PDHB: variants seen among roughly 807,000 people sequenced by gnomAD.
The protein encoded by PDHB is pyruvate dehydrogenase E1 component subunit beta, mitochondrial.
Under a neutral mutation model 42.8 loss-of-function variants are expected in PDHB, and 17 were observed. That is an observed-to-expected ratio of 0.40 (90% confidence interval 0.27 to 0.60). The LOEUF (loss-of-function observed/expected upper bound fraction) is 0.60. Among genes scored for constraint, PDHB ranks in the 20% least tolerant of loss-of-function variants. The pLI is 0.46. For missense variants in PDHB, 322 were observed against 451.3 expected (o/e 0.71, Z 2.60); for synonymous variants, 154 against 148.7 (o/e 1.04, Z -0.26).
chr3:58,431,173 TG>T lies in PDHB; in HGVS notation c.304-232del. The T allele has an allele frequency of 1.7e-6, 1 of 575,512 alleles. No individual in the cohort carries two copies. The highest frequency in any genetic ancestry group is 3.1e-6 in the Non-Finnish European group (1 of 324,854). 35.7% of individuals were successfully genotyped at this position (575,512 alleles called of 1,614,324 possible). ...ATCCTTCCTCAGCATCCCGAGTAGC[TG>T]GGACTGCAGGCAAGCACCACCACAT... On this transcript the variant is annotated intron_variant, in intron 5 of 9. Transcript: ENST00000302746. The surrounding 1 kb of genome is among the most constrained non-coding windows in gnomAD (Gnocchi z 4.4).
In PDHB at chr3:58,428,641, C is replaced by T. The variant is rs566760661; in HGVS notation, c.793-27G>A. ...TAAACAGGTAATATAATCAAGTTTA[C>T]AGAGCTATTGCAGCACAAATAGAGC... On this transcript the variant is annotated intron_variant, in intron 8 of 9. Coordinates refer to ENST00000302746, the MANE Select transcript of PDHB (RefSeq NM_000925.4). 8.6e-5 allele frequency: 137 copies of T among 1,599,636 alleles called. 1 individual carries two copies. The highest frequency in any genetic ancestry group is 7.9e-4 in the South Asian group (72 of 90,676).
chr3:58,433,640 A>T lies in PDHB; in HGVS notation c.87T>A (p.Ala29=), dbSNP rs1030195578. ...LKRRFHWTAP[A]ALQVTVRDAI... is the part of the protein sequence containing the mutation. ...CACCCGCGCCTGTTACCTGCAGCGCAGCCGGCGCGGTCCAGTGAAAGCGCC... is the reference window on the plus strand; with the variant it reads ...CACCCGCGCCTGTTACCTGCAGCGCTGCCGGCGCGGTCCAGTGAAAGCGCC... Residue 29 remains alanine (A), a synonymous_variant, in exon 2 of 10, where the codon GCT becomes GCA. Coordinates refer to ENST00000302746, the MANE Select transcript of PDHB (RefSeq NM_000925.4). 6.2e-7 allele frequency: 1 copy of T among 1,611,362 alleles called. No homozygotes were observed. The highest frequency in any genetic ancestry group is 8.5e-7 in the Non-Finnish European group (1 of 1,179,320).
At chr3:58,432,917 T>A (rs1213530381) in intron 2 of PDHB, 4 of 152,282 alleles carry the variant, frequency 2.6e-5, no homozygotes, top group Admixed American at 1.3e-4. Context: ...GAGAATCCCT[T>A]GAGCCCAGGA....
At chr3:58,433,446 G>C in intron 2 of PDHB, 185 bp downstream of exon 2, 1 of 650,110 alleles carries the variant, frequency 1.5e-6, no homozygotes, top group Non-Finnish European at 2.7e-6. Context: ...GTGAGGTGGT[G>C]ACTCGCCGGT....
intron 6 of PDHB, 144 bp downstream of exon 6, chr3:58,430,513 C>A: frequency 2.6e-6 from 2 of 769,958 alleles, no homozygotes. Context: ...CAAGCACATT[C>A]TTTACTATCT....
At position 58,431,669 on chromosome 3, in the gene PDHB, A is replaced by G; in HGVS notation, c.268-41T>C. ...TAAACATAAGTGAAAATCCATAAAA[A>G]TGAGGATAATGGACACTAACAGACA... On this transcript the variant is annotated intron_variant, in intron 4 of 9. Transcript: ENST00000302746. This position sits in a 1 kb window ranked among gnomAD's most constrained non-coding sequence, Gnocchi z 4.4. 1 of 1,600,776 alleles carries G rather than the reference A, an allele frequency of 6.2e-7. No individual in the cohort carries two copies. The highest frequency in any genetic ancestry group is 1.1e-5 in the South Asian group (1 of 90,836).
intron 8 of PDHB, chr3:58,428,896 C>A (rs1015174186): frequency 1.9e-5 from 8 of 417,110 alleles, no homozygotes; most frequent in African/African-American, 1.4e-4. Context: ...CTCTTGTTGT[C>A]CAGGCTGGAG....
chr3:58,429,699 T>C lies in PDHB; in HGVS notation c.792+9A>G, dbSNP rs762944918. The C allele has an allele frequency of 6.5e-7, 1 of 1,541,022 alleles. No homozygotes were observed. The highest frequency in any genetic ancestry group is 9.0e-7 in the Non-Finnish European group (1 of 1,113,270). Reference sequence around the variant, plus strand: ...CTAATTCTTTAAGAACAAGTAAATGTCCACTCACCTCACATTCAACTCCTT... The same window carrying C: ...CTAATTCTTTAAGAACAAGTAAATGCCCACTCACCTCACATTCAACTCCTT... On this transcript the variant is annotated intron_variant, in intron 8 of 9. Transcript: ENST00000302746.
chr3:58,429,851 A>G, intron 7 of PDHB, 52 bp from the exon 8 acceptor site: 10 of 1,050,548 alleles, frequency 9.5e-6, no homozygotes, highest in Non-Finnish European at 1.2e-5. Context: ...TGAAGATGCT[A>G]CACCACTGTG....
rs1371051544 is a variant in PDHB, at chr3:58,433,793, C to A, written c.17G>T (p.Gly6Val). ...CTCCCGAAGGGGTCTCCGCACCAAG[C>A]CAGACACCGCCGCCATCTTGGTCGT... MAAVS[G>V]LVRRPLREVS... Residue 6 changes from glycine to valine, a missense_variant, in exon 1 of 10, where the codon GGC becomes GTC. Gly to Val is a moderately radical substitution (Grantham distance 109). Transcript: ENST00000302746. The A allele has an allele frequency of 1.2e-6, 2 of 1,611,692 alleles. No homozygotes were observed. Among genetic ancestry groups the A allele is most frequent in the Non-Finnish European group, 1.7e-6 (2 of 1,179,496 alleles).
At position 58,430,080 on chromosome 3, in the gene PDHB, T is replaced by C. The variant is rs191022498; in HGVS notation, c.700+48A>G. The stretch of plus-strand genomic sequence containing the variant: ...ACTTCTAGATTAAATTTTACCAAAA[T>C]TGAGGGGCTGGATTAAAAATACTGT... On this transcript the variant is annotated intron_variant, in intron 7 of 9. Coordinates refer to ENST00000302746, the MANE Select transcript of PDHB (RefSeq NM_000925.4). The C allele has an allele frequency of 5.3e-4, 624 of 1,167,604 alleles. 3 individuals are homozygous for C. The highest frequency in any genetic ancestry group is 1.4e-4 in the South Asian group (11 of 80,266). The allele number at this position is 1,167,604 out of a possible 1,614,324, so 72.3% of individuals were successfully genotyped here.
At position 58,431,530 on chromosome 3, in the gene PDHB, CA is replaced by C. The variant is rs1486512572; in HGVS notation, c.303+62del. On this transcript the variant is annotated intron_variant, in intron 5 of 9. Transcript: ENST00000302746. The surrounding 1 kb of genome is among the most constrained non-coding windows in gnomAD (Gnocchi z 4.4). ...TGGACAACAGAGTGAGACTCTGTCT[CA>C]AAAGAAAAAAAAAGAAAACAAGAAA... The C allele has an allele frequency of 2.2e-6, 3 of 1,364,398 alleles. No homozygotes were observed. Among genetic ancestry groups the C allele is most frequent in the Non-Finnish European group, 1.0e-6 (1 of 957,340 alleles). 84.5% of individuals were successfully genotyped at this position (1,364,398 alleles called of 1,614,324 possible). A position where few individuals can be genotyped will look rare whatever the true frequency, so the allele number is the denominator to read the frequency against.
chr3:58,431,069 G>C lies in PDHB; in HGVS notation c.304-127C>G. On this transcript the variant is annotated intron_variant, in intron 5 of 9. Transcript: ENST00000302746. The surrounding 1 kb of genome is among the most constrained non-coding windows in gnomAD (Gnocchi z 4.4). Reference sequence around the variant, plus strand: ...TTTTTATTTTTATTTTTTATGGACAGGGTCTCACTGTCACCCATGCTGGAG... The same window carrying C: ...TTTTTATTTTTATTTTTTATGGACACGGTCTCACTGTCACCCATGCTGGAG... The C allele has an allele frequency of 1.0e-6, 1 of 958,346 alleles. No individual in the cohort carries two copies. Among genetic ancestry groups the C allele is most frequent in the Non-Finnish European group, 1.6e-6 (1 of 617,094 alleles). The allele number at this position is 958,346 out of a possible 1,614,324, so 59.4% of individuals were successfully genotyped here. A position where few individuals can be genotyped will look rare whatever the true frequency, so the allele number is the denominator to read the frequency against.
intron 6 of PDHB, 32 bp from the exon 7 acceptor site, chr3:58,430,270 T>C (rs757871580): frequency 3.7e-6 from 5 of 1,361,588 alleles, no homozygotes; most frequent in Non-Finnish European, 5.2e-6. Flanking sequence ...ACAAAAGTAA[T>C]TAATCACATC....
In PDHB at chr3:58,430,946, T is replaced by TA. The variant is rs781682337; in HGVS notation, c.304-5dup. On this transcript the variant is annotated splice_region_variant and splice_polypyrimidine_tract_variant and intron_variant, in intron 5 of 9. Coordinates refer to ENST00000302746, the MANE Select transcript of PDHB (RefSeq NM_000925.4). ...CACAAATGGGCCGCAACCCAGCCTG[T>TA]AAAATCAAAAACGTGGATGTTAAAA... is the stretch of plus-strand genomic sequence containing the variant. 4 of 1,614,130 alleles carry TA rather than the reference T, an allele frequency of 2.5e-6. No individual in the cohort carries two copies. Among genetic ancestry groups the TA allele is most frequent in the Non-Finnish European group, 3.4e-6 (4 of 1,179,992 alleles).
At chr3:58,432,894 G>A (rs1260600106) in intron 2 of PDHB, 1 of 152,146 alleles carries the variant, frequency 6.6e-6, no homozygotes, top group African/African-American at 2.4e-5. Flanking sequence ...AGCTACTCAG[G>A]AGTGTGAGGC....
At position 58,427,766 on chromosome 3, in the gene PDHB, C is replaced by T. The variant is rs1232196743; in HGVS notation, c.*268G>A. 2 of 525,230 alleles carry T rather than the reference C, an allele frequency of 3.8e-6. No individual in the cohort carries two copies. The highest frequency in any genetic ancestry group is 5.5e-4 in the Middle Eastern group (1 of 1,804). 32.5% of individuals were successfully genotyped at this position (525,230 alleles called of 1,614,324 possible). A position where few individuals can be genotyped will look rare whatever the true frequency, so the allele number is the denominator to read the frequency against. On this transcript the variant is annotated 3_prime_UTR_variant, in exon 10 of 10. Transcript: ENST00000302746. ...GACTCTGCCACATCCATACTTTGTC[C>T]TTGTGGTGAGAGAGGATAAAATGTT...
At chr3:58,433,487 C>CA (rs1225739720) in intron 2 of PDHB, 144 bp downstream of exon 2, 32 of 859,820 alleles carry the variant, frequency 3.7e-5, no homozygotes, top group Non-Finnish European at 5.2e-5. Flanking sequence ...ACAGAGGCAG[C>CA]AGGAGCTCCA....
At chr3:58,430,600 A>G in intron 6 of PDHB, 57 bp downstream of exon 6, 1 of 1,400,728 alleles carries the variant, frequency 7.1e-7, no homozygotes, top group South Asian at 1.2e-5. Flanking sequence ...CCTCTGTGCA[A>G]ATATATCATT....
Sources: gnomAD v4.1 joint callset for allele counts on GRCh38, gnomAD v4.1.1 for gene constraint, Gnocchi (gnomAD v3.1) non-coding constraint, MANE v1.5 for transcripts, NCBI Gene and HGNC (gene_info 2026-07-23, HGNC 2026-07-21) for gene names.